Variants in DYNC2I1 observed in about 807,000 individuals in gnomAD.
DYNC2I1 encodes dynein 2 intermediate chain 1.
Under a neutral mutation model 133.4 loss-of-function variants are expected in DYNC2I1, and 89 were observed. That is an observed-to-expected ratio of 0.67 (90% CI 0.56 to 0.80). DYNC2I1 has a LOEUF of 0.80. DYNC2I1 is among the 30% of genes least tolerant of loss of function. The probability of loss-of-function intolerance (pLI) is 0.00; values close to 1 mark genes in which losing one functional copy is unlikely to be tolerated. For missense variants in DYNC2I1, 1,291 were observed against 1,314.5 expected, an observed-to-expected ratio of 0.98 and a Z score of 0.28; for synonymous variants, 504 against 484.3, an observed-to-expected ratio of 1.04 and a Z score of -0.54.
At chr7:158,895,041 G>A (rs918360366) in intron 8 of DYNC2I1, among the ~76,000 whole-genome samples, 1 of 152,250 alleles carries the variant, frequency 6.6e-6, no homozygotes, top group Middle Eastern at 3.4e-3. Flanking sequence ...TTCTCTGTGT[G>A]TTTTGGATAA....
At position 158,876,592 on chromosome 7, in the gene DYNC2I1, T is replaced by C. The variant is rs1288815856; in HGVS notation, c.491-17T>C. ...CTAACATTTGGGAGTATTAAAAATATGTTTTACTTCTTGTAGTAAGTAAAG... is the reference window on the plus strand; with the variant it reads ...CTAACATTTGGGAGTATTAAAAATACGTTTTACTTCTTGTAGTAAGTAAAG... On this transcript the variant is annotated splice_polypyrimidine_tract_variant and intron_variant, in intron 3 of 24. Coordinates refer to ENST00000407559, the MANE Select transcript of DYNC2I1 (RefSeq NM_018051.5). 4.5e-5 allele frequency: 69 copies of C among 1,549,120 alleles called. 1 individual carries two copies. The highest frequency in any genetic ancestry group is 5.8e-5 in the Non-Finnish European group (67 of 1,155,768).
At position 158,892,934 on chromosome 7, in the gene DYNC2I1, A is replaced by G. The variant is rs558399897; in HGVS notation, c.1059+1601A>G. 5.7e-3 allele frequency among the ~76,000 whole-genome samples: 783 copies of G among 136,330 alleles called. 8 individuals are homozygous for G. Among genetic ancestry groups the G allele is most frequent in the African/African-American group, 0.02 (737 of 36,626 alleles). 89.4% of individuals were successfully genotyped at this position (136,330 alleles called of 152,430 possible). A position where few individuals can be genotyped will look rare whatever the true frequency, so the allele number is the denominator to read the frequency against. ...GCCTGGGCAACAAGAGCAAAACTCCATCTCAAAAAAAAAAAAAAAAAATTG... is the reference window on the plus strand; with the variant it reads ...GCCTGGGCAACAAGAGCAAAACTCCGTCTCAAAAAAAAAAAAAAAAAATTG... On this transcript the variant is annotated intron_variant, in intron 8 of 24. Coordinates refer to ENST00000407559, the MANE Select transcript of DYNC2I1 (RefSeq NM_018051.5).
intron 16 of DYNC2I1, among the ~76,000 whole-genome samples, chr7:158,923,000 G>A (rs1339426934): frequency 1.3e-5 from 2 of 152,206 alleles, no homozygotes; most frequent in African/African-American, 2.4e-5. Context: ...GTGTTGAAGT[G>A]TGCTGTCGCT....
chr7:158,941,946 A>G lies in DYNC2I1; in HGVS notation c.2800A>G (p.Ile934Val), dbSNP rs775690381. 1.2e-6 allele frequency: 2 copies of G among 1,609,224 alleles called. No homozygotes were observed. Among genetic ancestry groups the G allele is most frequent in the South Asian group, 2.2e-5 (2 of 90,348 alleles). ...ATAGGCCGGCTGTTCGGACGGAAGC[A>G]TCAGGCTGCACCAGCTGAGCTCCGC... ...IFLAGCSDGSIRLHQLSSAFP... is the reference protein window; with the variant it reads ...IFLAGCSDGSVRLHQLSSAFP... The change falls in exon 24 of 25, where the codon ATC (isoleucine) becomes GTC (valine). Residue 934 changes from isoleucine (I) to valine (V), a missense_variant. Physicochemically the swap from Ile to Val is conservative, Grantham distance 29 (BLOSUM62 3). Coordinates refer to ENST00000407559, the MANE Select transcript of DYNC2I1 (RefSeq NM_018051.5).
At chr7:158,949,991 G>C (rs538553242), downstream of DYNC2I1, among the ~76,000 whole-genome samples, 1 of 151,864 alleles carries the variant, frequency 6.6e-6, no homozygotes, top group African/African-American at 2.4e-5. Context: ...GGCTGGTCTC[G>C]AACTCCCAAC....
chr7:158,840,180 C>A, the DYNC2I1 span, among the ~76,000 whole-genome samples: 1 of 152,020 alleles, frequency 6.6e-6, no homozygotes, highest in Admixed American at 6.6e-5. Context: ...AGGCGCAGTC[C>A]CAGCACTTTG....
At chr7:158,855,904 AAGTGCAAAGCCTTATTCAAATGT>A (rs1162126182), upstream of DYNC2I1, among the ~76,000 whole-genome samples, 1 of 151,242 alleles carries the variant, frequency 6.6e-6, no homozygotes, top group African/African-American at 2.4e-5. Flanking sequence ...ATAATTTGTT[AAGTGCAAAGCCTTATTCAAATGT>A]AAAGCTCTTT....
At position 158,880,009 on chromosome 7, in the gene DYNC2I1, G is replaced by T; in HGVS notation, c.879+20G>T. 1 of 1,564,000 alleles carries T rather than the reference G, an allele frequency of 6.4e-7. No homozygotes were observed. The highest frequency in any genetic ancestry group is 8.6e-7 in the Non-Finnish European group (1 of 1,161,038). On this transcript the variant is annotated intron_variant, in intron 5 of 24. Coordinates refer to ENST00000407559, the MANE Select transcript of DYNC2I1 (RefSeq NM_018051.5). ...TCCCAGGTACCCCTTCTGATGCTTC[G>T]TTGCCTTAGCAGCCGCCCCGAGGCC...
At chr7:158,883,273 A>G (rs1280470611) in intron 5 of DYNC2I1, among the ~76,000 whole-genome samples, 2 of 147,186 alleles carry the variant, frequency 1.4e-5, no homozygotes, top group African/African-American at 5.1e-5. Flanking sequence ...GCCAGAGAGC[A>G]GTGGTGTGAT....
rs538239442 is a variant in DYNC2I1, at chr7:158,857,010, C to T, written c.15+260C>T. Among the ~76,000 whole-genome samples, 144 of 152,196 alleles carry T rather than the reference C, an allele frequency of 9.5e-4. 1 individual carries two copies. Among genetic ancestry groups the T allele is most frequent in the South Asian group, 3.5e-3 (17 of 4,828 alleles). On this transcript the variant is annotated intron_variant, in intron 1 of 24. Transcript: ENST00000407559. ...TGCAGCCTCAGGCCTGGGGTCGCCG[C>T]CGCGGCCCGTCTCCTCGCGCCCGGC...
intron 1 of DYNC2I1, among the ~76,000 whole-genome samples, chr7:158,860,634 T>G (rs1841791871): frequency 6.6e-6 from 1 of 152,228 alleles, no homozygotes; most frequent in Admixed American, 6.5e-5. Context: ...TATTAATTTT[T>G]ATGGTCAATG....
intron 14 of DYNC2I1, among the ~76,000 whole-genome samples, chr7:158,916,655 G>A (rs368371825): frequency 3.8e-4 from 27 of 71,564 alleles, no homozygotes; most frequent in Admixed American, 2.7e-4. Context: ...GACATTTAGG[G>A]TGATTGTGAA....
At chr7:158,859,928 C>CT (rs1316031669) in intron 1 of DYNC2I1, among the ~76,000 whole-genome samples, 1 of 152,090 alleles carries the variant, frequency 6.6e-6, no homozygotes, top group Non-Finnish European at 1.5e-5. Context: ...TCATTAGAAT[C>CT]TAATTATGTA....
At chr7:158,930,541 C>T in intron 21 of DYNC2I1, 26 bp downstream of exon 21, 3 of 1,599,500 alleles carry the variant, frequency 1.9e-6, no homozygotes, top group Non-Finnish European at 1.7e-6. Context: ...AAATGCTTCA[C>T]TATCTCACAA....
chr7:158,954,349 G>A (rs2527212), intron 4 of DYNC2I1, among the ~76,000 whole-genome samples: 119,730 of 152,224 alleles, frequency 0.79, 47,398 homozygotes, highest in East Asian at 0.94. Context: ...ATATTCTTTT[G>A]AAAATTACAT....
Position 158,887,078 on chromosome 7 carries a change from A to T in DYNC2I1, c.990+3A>T, listed in dbSNP as rs374608321. ...AAGATAAAGATTCAAGACGGAAGGTAAGGCAGTCTCCACTGAGAATACATT... is the reference window on the plus strand; with the variant it reads ...AAGATAAAGATTCAAGACGGAAGGTTAGGCAGTCTCCACTGAGAATACATT... On this transcript the variant is annotated splice_donor_region_variant and intron_variant, in intron 7 of 24. Transcript: ENST00000407559. 1.2e-4 allele frequency: 195 copies of T among 1,613,188 alleles called. No homozygotes were observed. Among genetic ancestry groups the T allele is most frequent in the Non-Finnish European group, 1.6e-4 (186 of 1,179,256 alleles).
chr7:158,881,376 C>T (rs1019601802), intron 5 of DYNC2I1, among the ~76,000 whole-genome samples: 1 of 152,324 alleles, frequency 6.6e-6, no homozygotes. Flanking sequence ...GTCAGCCACA[C>T]GGAAGGTTAG....
intron 16 of DYNC2I1, 124 bp downstream of exon 16, chr7:158,922,673 G>A (rs995044105): frequency 9.9e-6 from 9 of 913,704 alleles, no homozygotes; most frequent in South Asian, 6.9e-5. Context: ...GGACTTATGG[G>A]CCATTCTCTG....
chr7:158,940,770 T>A (rs1261780998), intron 23 of DYNC2I1, among the ~76,000 whole-genome samples: 2 of 152,190 alleles, frequency 1.3e-5, no homozygotes, highest in African/African-American at 4.8e-5. Flanking sequence ...CATTTAAAAA[T>A]TTATTGAAAC....
Sources: allele counts gnomAD v4.1 joint callset (sites outside exome capture counted in the v4.1 genomes callset), GRCh38; gene constraint gnomAD v4.1.1; transcripts MANE v1.5; gene names NCBI Gene and HGNC (gene_info 2026-07-23, HGNC 2026-07-21).